Variants in RAB44 observed in about 807,000 individuals in gnomAD.
RAB44 encodes the protein ras-related protein Rab-44.
Under a neutral mutation model 93.3 loss-of-function variants are expected in RAB44, and 67 were observed. The ratio of observed to expected loss-of-function variants is 0.72; its 90% CI spans 0.59 to 0.88. RAB44 has a LOEUF of 0.88. RAB44 is among the 40% of genes least tolerant of loss of function. The pLI, the probability that RAB44 is intolerant of heterozygous loss-of-function variation, is 0.00. For missense variants in RAB44, 1,064 were observed against 1,261.7 expected, an observed-to-expected ratio of 0.84 and a Z score of 2.37; for synonymous variants, 427 against 520.3, an observed-to-expected ratio of 0.82 and a Z score of 2.44.
chr6:36,727,911 C>T (rs1763276731), intron 11 of RAB44, among the ~76,000 whole-genome samples: 1 of 152,216 alleles, frequency 6.6e-6, no homozygotes, highest in Admixed American at 6.5e-5. Context: ...TTCCTTTATC[C>T]TGTGAACATT....
intron 4 of RAB44, among the ~76,000 whole-genome samples, chr6:36,716,836 C>G (rs907703215): frequency 1.6e-4 from 24 of 152,188 alleles, no homozygotes; most frequent in Non-Finnish European, 2.8e-4. Context: ...TGTGGCAGGC[C>G]CTGAGCTGGT....
chr6:36,703,669 G>A (rs1002070531), intron 1 of RAB44, among the ~76,000 whole-genome samples: 8 of 151,992 alleles, frequency 5.3e-5, no homozygotes, highest in Admixed American at 1.3e-4. Flanking sequence ...TGCGTGTGTC[G>A]AAGGACTAGA....
At position 36,730,763 on chromosome 6, in the gene RAB44, G is replaced by GGGGCC. The variant is rs1763344157; in HGVS notation, c.2975+14_2975+15insGGGCC. On this transcript the variant is annotated intron_variant, in intron 13 of 13. Transcript: ENST00000612677. ...AAACCTGGCCAGGTAAGTGCTGCCC[G>GGGGCC]CCCCCCGCCGCCCCCACCCCCCCCC... is the stretch of plus-strand genomic sequence containing the variant. 1.8e-6 allele frequency: 2 copies of GGGGCC among 1,100,680 alleles called. No individual in the cohort carries two copies. The highest frequency in any genetic ancestry group is 2.2e-6 in the Non-Finnish European group (2 of 907,662). The allele number at this position is 1,100,680 out of a possible 1,614,324, so 68.2% of individuals were successfully genotyped here. A position where few individuals can be genotyped will look rare whatever the true frequency, so the allele number is the denominator to read the frequency against.
chr6:36,701,353 C>A (rs1451698600), intron 1 of RAB44, among the ~76,000 whole-genome samples: 1 of 152,180 alleles, frequency 6.6e-6, no homozygotes, highest in Non-Finnish European at 1.5e-5. Context: ...AAGTAATCCA[C>A]CCCGTTGGCC....
intron 10 of RAB44, among the ~76,000 whole-genome samples, 188 bp downstream of exon 10, chr6:36,726,131 C>G (rs1248164716): frequency 2.0e-5 from 3 of 152,168 alleles, no homozygotes; most frequent in East Asian, 1.9e-4. Context: ...GGTCCCTCAG[C>G]CTGGCAGGGC....
intron 2 of RAB44, among the ~76,000 whole-genome samples, chr6:36,712,176 A>G (rs1193274745): frequency 6.7e-6 from 1 of 149,552 alleles, no homozygotes; most frequent in Admixed American, 6.7e-5. Flanking sequence ...GGTGGCAGGC[A>G]CAGGTAATCC....
At chr6:36,703,857 AAC>A (rs1239637955) in intron 1 of RAB44, among the ~76,000 whole-genome samples, 2 of 152,278 alleles carry the variant, frequency 1.3e-5, no homozygotes, top group South Asian at 4.1e-4. Flanking sequence ...AACCCTGTGT[AAC>A]CACCCTCCAG....
At chr6:36,699,145 G>A (rs574997680) in intron 1 of RAB44, among the ~76,000 whole-genome samples, 36 of 152,258 alleles carry the variant, frequency 2.4e-4, no homozygotes, top group Admixed American at 2.2e-3. Flanking sequence ...GCGGGTGGCT[G>A]AGTACCCCTC....
chr6:36,714,831 C>T (rs769650020), intron 3 of RAB44, among the ~76,000 whole-genome samples: 3 of 152,254 alleles, frequency 2.0e-5, no homozygotes, highest in South Asian at 2.1e-4. Context: ...ACCATCCAGA[C>T]GCTGCCAACC....
intron 3 of RAB44, among the ~76,000 whole-genome samples, chr6:36,714,708 C>T (rs572388676): frequency 3.3e-5 from 5 of 152,354 alleles, no homozygotes; most frequent in Admixed American, 6.5e-5. Flanking sequence ...TTGCTGTCCA[C>T]GCAGCCTTGG....
chr6:36,726,129 A>G (rs1198940242), intron 10 of RAB44, among the ~76,000 whole-genome samples, 186 bp downstream of exon 10: 1 of 152,208 alleles, frequency 6.6e-6, no homozygotes, highest in Non-Finnish European at 1.5e-5. Context: ...GAGGTCCCTC[A>G]GCCTGGCAGG....
In RAB44 at chr6:36,722,054, G is replaced by A. The variant is rs554974981; in HGVS notation, c.1920G>A (p.Ala640=). ...ERLEQGQAGP[A]VQEGLPEGLR... ...TGGAGCAGGGCCAGGCGGGCCCAGC[G>A]GTGCAGGAGGGCCTTCCTGAGGGGC... The change falls in exon 9 of 14, where the codon GCG becomes GCA. Residue 640 remains alanine (A), a synonymous_variant. Coordinates refer to ENST00000612677, the MANE Select transcript of RAB44 (RefSeq NM_001257357.2). The A allele has an allele frequency of 3.2e-4, 401 of 1,234,464 alleles. 1 individual carries two copies. Among genetic ancestry groups the A allele is most frequent in the Non-Finnish European group, 3.9e-4 (381 of 988,346 alleles). The allele number at this position is 1,234,464 out of a possible 1,614,324, so 76.5% of individuals were successfully genotyped here. A position where few individuals can be genotyped will look rare whatever the true frequency, so the allele number is the denominator to read the frequency against.
chr6:36,720,589 G>C, intron 8 of RAB44, 39 bp downstream of exon 8: 1 of 1,225,144 alleles, frequency 8.2e-7, no homozygotes, highest in Non-Finnish European at 1.0e-6. Context: ...TGGACTCTAA[G>C]GGCCTCCTGG....
chr6:36,718,151 A>C (rs1162543179), intron 6 of RAB44, 33 bp downstream of exon 6: 2 of 1,205,124 alleles, frequency 1.7e-6, no homozygotes, highest in Non-Finnish European at 2.1e-6. Flanking sequence ...CCTCCTTCCC[A>C]CTGCCCGGGA....
chr6:36,728,613 G>C, intron 11 of RAB44, 87 bp from the exon 12 acceptor site: 1 of 1,039,300 alleles, frequency 9.6e-7, no homozygotes, highest in Admixed American at 2.0e-5. Flanking sequence ...GAACATGCGG[G>C]GGACACAGTT....
At chr6:36,723,783 C>T (rs1490325346) in intron 9 of RAB44, among the ~76,000 whole-genome samples, 7 of 145,884 alleles carry the variant, frequency 4.8e-5, no homozygotes. Flanking sequence ...TGCAGTGAGT[C>T]GAGATCGCAC....
At chr6:36,701,886 C>T (rs912049277) in intron 1 of RAB44, among the ~76,000 whole-genome samples, 26 of 152,134 alleles carry the variant, frequency 1.7e-4, no homozygotes, top group African/African-American at 5.8e-4. Flanking sequence ...AACCATGAGC[C>T]CTGGCACTGG....
At chr6:36,720,581 G>A in intron 8 of RAB44, 31 bp downstream of exon 8, 3 of 1,229,562 alleles carry the variant, frequency 2.4e-6, no homozygotes, top group Non-Finnish European at 3.0e-6. Context: ...GACTGGGGTG[G>A]ACTCTAAGGG....
At position 36,730,689 on chromosome 6, in the gene RAB44, T is replaced by C; in HGVS notation, c.2915T>C (p.Phe972Ser). The C allele has an allele frequency of 2.4e-6, 3 of 1,234,406 alleles. No homozygotes were observed. The highest frequency in any genetic ancestry group is 3.0e-6 in the Non-Finnish European group (3 of 988,260). 76.5% of individuals were successfully genotyped at this position (1,234,406 alleles called of 1,614,324 possible). A position where few individuals can be genotyped will look rare whatever the true frequency, so the allele number is the denominator to read the frequency against. Residue 972 changes from phenylalanine to serine, a missense_variant, in exon 13 of 14, where the codon TTT becomes TCT. Transcript: ENST00000612677. ...GGCCTGCAGGAACTGGGGGTCTATT[T>C]TGGGGAGTGCAGTGCCGCCTTGGGT... ...QQLAQELGVY[F>S]GECSAALGHN... is the part of the protein sequence containing the mutation.
Sources: allele counts gnomAD v4.1 joint callset (sites outside exome capture counted in the v4.1 genomes callset), GRCh38; gene constraint gnomAD v4.1.1; transcripts MANE v1.5; gene names NCBI Gene and HGNC (gene_info 2026-07-23, HGNC 2026-07-21).